MAD1L1: variants seen among roughly 807,000 people sequenced by gnomAD.
MAD1L1 encodes mitotic spindle assembly checkpoint protein MAD1.
Under a neutral mutation model 96.9 loss-of-function variants are expected in MAD1L1, and 95 were observed. The observed-to-expected ratio is 0.98, with a 90% confidence interval of 0.83 to 1.16. MAD1L1 has a LOEUF of 1.16. MAD1L1 is among the 50% of genes most tolerant of loss of function. MAD1L1 has a pLI of 0.00. For missense variants in MAD1L1, 1,007 were observed against 954.4 expected (o/e 1.06, Z -0.73); for synonymous variants, 473 against 396.6 (o/e 1.19, Z -2.29).
chr7:2,070,457 A>G (rs1431634940), intron 11 of MAD1L1, among the ~76,000 whole-genome samples: 2 of 151,954 alleles, frequency 1.3e-5, no homozygotes, highest in Admixed American at 6.6e-5. Flanking sequence ...GCCCGAGAGG[A>G]GGAGAGTCAG....
intron 12 of MAD1L1, among the ~76,000 whole-genome samples, chr7:2,063,671 G>A (rs1784758631): frequency 6.6e-6 from 1 of 152,176 alleles, no homozygotes; most frequent in Non-Finnish European, 1.5e-5. Context: ...CTCCAGCAAC[G>A]TGGGCCCATT....
intron 13 of MAD1L1, among the ~76,000 whole-genome samples, chr7:2,012,514 G>A (rs1205464449): frequency 6.6e-6 from 1 of 152,244 alleles, no homozygotes; most frequent in Non-Finnish European, 1.5e-5. Context: ...CGTGACGACT[G>A]AAGGTCAGTG....
intron 13 of MAD1L1, among the ~76,000 whole-genome samples, chr7:2,013,779 G>A (rs951820934): frequency 1.3e-5 from 2 of 152,202 alleles, no homozygotes; most frequent in Non-Finnish European, 2.9e-5. Flanking sequence ...AGGAGCCCCC[G>A]GCCCCAGTGT....
At chr7:2,156,191 G>C (rs189881979) in intron 10 of MAD1L1, among the ~76,000 whole-genome samples, 9 of 148,906 alleles carry the variant, frequency 6.0e-5, no homozygotes, top group African/African-American at 1.5e-4. Flanking sequence ...CGCGTGTGGC[G>C]AGGGGAGCGG....
chr7:2,222,766 G>A lies in MAD1L1; in HGVS notation c.292-12C>T. The A allele has an allele frequency of 6.4e-7, 1 of 1,574,054 alleles. No individual in the cohort carries two copies. The highest frequency in any genetic ancestry group is 8.6e-7 in the Non-Finnish European group (1 of 1,163,464). ...CGGTCGACCTCACGCTGTTAAGAGAGCAAGAGTCAGATGCCACGTGCCGCC... is the reference window on the plus strand; with the variant it reads ...CGGTCGACCTCACGCTGTTAAGAGAACAAGAGTCAGATGCCACGTGCCGCC... On this transcript the variant is annotated splice_polypyrimidine_tract_variant and intron_variant, in intron 4 of 18. Coordinates refer to ENST00000265854, the MANE Select transcript of MAD1L1 (RefSeq NM_001013836.2).
At chr7:2,176,728 C>T (rs867709333) in intron 10 of MAD1L1, among the ~76,000 whole-genome samples, 1 of 151,518 alleles carries the variant, frequency 6.6e-6, no homozygotes, top group Non-Finnish European at 1.5e-5. Context: ...TCTCTATACA[C>T]GAGAATCCAG....
At chr7:1,836,309 C>T (rs937435576) in intron 18 of MAD1L1, among the ~76,000 whole-genome samples, 1 of 152,116 alleles carries the variant, frequency 6.6e-6, no homozygotes, top group Non-Finnish European at 1.5e-5. Context: ...CATGAGCCAC[C>T]GTGCCTGGCT....
At chr7:2,156,259 T>C (rs144202526) in intron 10 of MAD1L1, among the ~76,000 whole-genome samples, 336 of 143,604 alleles carry the variant, frequency 2.3e-3, no homozygotes, top group South Asian at 6.7e-3. Flanking sequence ...TCACGGCGCG[T>C]GTGGCGAGGG....
At chr7:2,008,035 G>A (rs11972341) in intron 13 of MAD1L1, among the ~76,000 whole-genome samples, 91 of 152,342 alleles carry the variant, frequency 6.0e-4, no homozygotes, top group African/African-American at 1.9e-3. Context: ...GCCCCAGACC[G>A]GTGTCTCTAC....
chr7:2,218,904 A>G (rs962909603), intron 6 of MAD1L1, among the ~76,000 whole-genome samples: 3 of 151,828 alleles, frequency 2.0e-5, no homozygotes, highest in Non-Finnish European at 4.4e-5. Context: ...ATCTCAAAAA[A>G]AAAAAAATTA....
chr7:2,209,180 T>C (rs541320505), intron 10 of MAD1L1, among the ~76,000 whole-genome samples: 4 of 152,062 alleles, frequency 2.6e-5, no homozygotes, highest in Non-Finnish European at 4.4e-5. Context: ...TTCCACAGGG[T>C]CTTCCCATGG....
At chr7:2,018,080 A>G (rs1319049943) in intron 12 of MAD1L1, among the ~76,000 whole-genome samples, 1 of 152,162 alleles carries the variant, frequency 6.6e-6, no homozygotes, top group East Asian at 1.9e-4. Flanking sequence ...GAGGCACCGC[A>G]GTGGGCAGAG....
chr7:2,033,935 A>AT (rs1368200971), intron 12 of MAD1L1, among the ~76,000 whole-genome samples: 2 of 151,970 alleles, frequency 1.3e-5, no homozygotes, highest in African/African-American at 2.4e-5. Flanking sequence ...TACAAAAAAA[A>AT]TTTTTTTTTA....
chr7:1,928,540 C>A (rs927610892), intron 17 of MAD1L1, among the ~76,000 whole-genome samples: 2 of 152,254 alleles, frequency 1.3e-5, no homozygotes, highest in Non-Finnish European at 2.9e-5. Context: ...GGCAGACGAT[C>A]TCAGCTTGGC....
chr7:1,881,032 C>T (rs957807623), intron 18 of MAD1L1, among the ~76,000 whole-genome samples: 2 of 152,176 alleles, frequency 1.3e-5, no homozygotes, highest in African/African-American at 2.4e-5. Flanking sequence ...CTTAGGTGAA[C>T]CAGGGCCCCG....
chr7:1,963,353 T>C (rs573850818), intron 15 of MAD1L1, among the ~76,000 whole-genome samples: 14 of 152,198 alleles, frequency 9.2e-5, no homozygotes, highest in African/African-American at 2.4e-4. Flanking sequence ...ACCAACGCCA[T>C]GCCCAGAAGA....
intron 5 of MAD1L1, among the ~76,000 whole-genome samples, chr7:2,222,176 C>T (rs989978936): frequency 2.0e-5 from 3 of 151,284 alleles, no homozygotes; most frequent in East Asian, 1.9e-4. Flanking sequence ...TGGGTTCAAG[C>T]GATTCTCCTG....
intron 17 of MAD1L1, among the ~76,000 whole-genome samples, chr7:1,899,998 C>G (rs555439180): frequency 1.3e-5 from 2 of 152,356 alleles, no homozygotes. Context: ...AGGACTTCTG[C>G]CTGCAACACG....
intron 18 of MAD1L1, among the ~76,000 whole-genome samples, chr7:1,816,715 C>T (rs551745677): frequency 2.6e-5 from 4 of 152,186 alleles, no homozygotes; most frequent in Admixed American, 6.5e-5. Flanking sequence ...GCCCAGAGGG[C>T]GGCCTCCTGT....
Sources: allele counts gnomAD v4.1 joint callset (sites outside exome capture counted in the v4.1 genomes callset), GRCh38; gene constraint gnomAD v4.1.1; transcripts MANE v1.5; gene names NCBI Gene and HGNC (gene_info 2026-07-23, HGNC 2026-07-21).